The following SERAC1 variants were observed in gnomAD, a reference collection of about 807,000 sequenced individuals.
SERAC1 encodes serine active site containing 1, also known as protein SERAC1.
Under a neutral mutation model 85.7 loss-of-function variants are expected in SERAC1, and 36 were observed. The observed-to-expected ratio is 0.42, with a 90% CI of 0.32 to 0.55. The LOEUF is 0.55. Among genes scored for constraint, SERAC1 ranks in the 20% least tolerant of loss-of-function variants. The pLI is 0.11. For synonymous variants in SERAC1, 242 were observed against 265.3 expected, an observed-to-expected ratio of 0.91 and a Z score of 0.85; for missense variants, 629 against 796.2, an observed-to-expected ratio of 0.79 and a Z score of 2.53.
chr6:158,149,182 C>T (rs538186980), intron 4 of SERAC1, among the ~76,000 whole-genome samples: 2 of 152,216 alleles, frequency 1.3e-5, no homozygotes, highest in African/African-American at 4.8e-5. Flanking sequence ...TTAGTAGAGA[C>T]AGGGTTTCAC....
At chr6:158,165,775 CTCT>C (rs1483597109) in intron 1 of SERAC1, among the ~76,000 whole-genome samples, 1 of 152,180 alleles carries the variant, frequency 6.6e-6, no homozygotes, top group Non-Finnish European at 1.5e-5. Flanking sequence ...CGCAGAGTTG[CTCT>C]TCTCTACCAT....
chr6:158,143,323 CTCTCTCTCTCTCTCTCTCTCTCTCTA>C, intron 7 of SERAC1, 139 bp from the exon 8 acceptor site: 1 of 221,852 alleles, frequency 4.5e-6, no homozygotes, highest in Non-Finnish European at 7.5e-6. Flanking sequence ...CTCTCTCTCT[CTCTCTCTCTCTCTCTCTCTCTCTCTA>C]TATATATATA....
intron 5 of SERAC1, among the ~76,000 whole-genome samples, 181 bp downstream of exon 5, chr6:158,148,684 C>T (rs558861396): frequency 6.6e-6 from 1 of 152,174 alleles, no homozygotes; most frequent in East Asian, 1.9e-4. Flanking sequence ...CTCAGGTGAC[C>T]CACCCACCTC....
intron 3 of SERAC1, 117 bp from the exon 4 acceptor site, chr6:158,150,706 G>T (rs1479585109): frequency 2.7e-6 from 2 of 745,208 alleles, no homozygotes; most frequent in African/African-American, 3.5e-5. Context: ...AACATAACAT[G>T]TATACAGTAA....
chr6:158,149,498 A>T (rs1785155418), intron 4 of SERAC1, among the ~76,000 whole-genome samples: 1 of 152,224 alleles, frequency 6.6e-6, no homozygotes, highest in African/African-American at 2.4e-5. Flanking sequence ...AAAAACACTA[A>T]CTACAAAAAT....
intron 8 of SERAC1, among the ~76,000 whole-genome samples, chr6:158,139,574 G>A (rs1784870047): frequency 6.6e-6 from 1 of 152,140 alleles, no homozygotes; most frequent in African/African-American, 2.4e-5. Flanking sequence ...TTTAAAATGA[G>A]CAAAGGGAGC....
chr6:158,151,225 A>AT (rs1271682417), intron 3 of SERAC1: 1 of 152,054 alleles, frequency 6.6e-6, no homozygotes, highest in Non-Finnish European at 1.5e-5. Flanking sequence ...TTTGTGTTTC[A>AT]TTTTTAACAA....
intron 1 of SERAC1, among the ~76,000 whole-genome samples, chr6:158,165,161 G>GT (rs559953818): frequency 4.9e-4 from 72 of 147,502 alleles, no homozygotes; most frequent in South Asian, 8.7e-4. Flanking sequence ...TTGTTTTTTG[G>GT]TTTTTTTTTT....
At chr6:158,164,288 A>G (rs1283398543) in intron 1 of SERAC1, among the ~76,000 whole-genome samples, 5 of 151,800 alleles carry the variant, frequency 3.3e-5, no homozygotes, top group African/African-American at 9.7e-5. Context: ...AGCCTGGATA[A>G]CCCGGTGAAA....
chr6:158,138,320 A>G (rs1784840548), intron 8 of SERAC1, among the ~76,000 whole-genome samples: 1 of 151,788 alleles, frequency 6.6e-6, no homozygotes. Context: ...CTGTAGTCCC[A>G]GCTAGTCGGG....
intron 8 of SERAC1, among the ~76,000 whole-genome samples, chr6:158,137,367 T>C (rs1396684491): frequency 9.4e-6 from 1 of 106,862 alleles, no homozygotes; most frequent in Non-Finnish European, 2.0e-5. Flanking sequence ...CATTCGTTGT[T>C]TTTTGTTTGT....
rs770615349 is a variant in SERAC1, at chr6:158,114,870, G to A, written c.1603C>T (p.His535Tyr). Residue 535 changes from histidine to tyrosine, a missense_variant, in exon 15 of 17, where the codon CAT (histidine) becomes TAT (tyrosine). By Grantham distance (83) the His-to-Tyr change is moderately conservative (BLOSUM62 2). Transcript: ENST00000647468. ...RGIIFYSVPH[H>Y]GSRLAEYSVN... ...GAGTATTCAGCCAAACGTGATCCATGATGAGGGACACTATAAAAAATTATT... is the reference window on the plus strand; with the variant it reads ...GAGTATTCAGCCAAACGTGATCCATAATGAGGGACACTATAAAAAATTATT... 2 of 1,613,910 alleles carry A rather than the reference G, an allele frequency of 1.2e-6. No homozygotes were observed. Among genetic ancestry groups the A allele is most frequent in the African/African-American group, 2.7e-5 (2 of 74,900 alleles).
Position 158,146,836 on chromosome 6 carries a change from T to A in SERAC1, c.433A>T (p.Lys145Ter). ...LLLRKSKSDD[K>*]TTRLEAVREM... The stretch of plus-strand genomic sequence containing the variant: ...CGCACAGCCTCGAGTCGCGTGGTTT[T>A]GTCATCTGACTTGCTCTTCCGTAGG... The change falls in exon 6 of 17, where the codon AAA becomes TAA. Residue 145 changes from lysine to a stop codon, truncating the protein, a stop_gained. Coordinates refer to ENST00000647468, the MANE Select transcript of SERAC1 (RefSeq NM_032861.4). LOFTEE classifies it high-confidence loss of function. The A allele has an allele frequency of 6.2e-7, 1 of 1,614,124 alleles. No homozygotes were observed. The highest frequency in any genetic ancestry group is 1.1e-5 in the South Asian group (1 of 91,084).
intron 10 of SERAC1, among the ~76,000 whole-genome samples, chr6:158,126,372 G>T (rs1489072113): frequency 9.2e-6 from 1 of 108,296 alleles, no homozygotes; most frequent in Non-Finnish European, 2.0e-5. Context: ...CAGTTTGCTG[G>T]GGCTCCCATT....
chr6:158,120,547 C>A lies in SERAC1; in HGVS notation c.1044G>T (p.Met348Ile). 1 of 1,613,976 alleles carries A rather than the reference C, an allele frequency of 6.2e-7. No individual in the cohort carries two copies. Among genetic ancestry groups the A allele is most frequent in the Non-Finnish European group, 8.5e-7 (1 of 1,179,940 alleles). The change falls in exon 11 of 17, where the codon ATG becomes ATT. Residue 348 changes from methionine to isoleucine, a missense_variant. Physicochemically the swap from Met to Ile is conservative, Grantham distance 10. Coordinates refer to ENST00000647468, the MANE Select transcript of SERAC1 (RefSeq NM_032861.4). The surrounding 1 kb of genome is among the most constrained non-coding windows in gnomAD (Gnocchi z 4.4). Reference protein sequence around the residue: ...SGWVSIMAEAMKSPHIMESSH... With the variant: ...SGWVSIMAEAIKSPHIMESSH... Reference sequence around the variant, plus strand: ...AGGACTCCATAATGTGGGGAGATTTCATTGCTTCTGCCATGATGGAAACCC... The same window carrying A: ...AGGACTCCATAATGTGGGGAGATTTAATTGCTTCTGCCATGATGGAAACCC...
At chr6:158,152,932 T>C (rs935821115) in intron 3 of SERAC1, 2 of 152,202 alleles carry the variant, frequency 1.3e-5, no homozygotes, top group Non-Finnish European at 2.9e-5. Context: ...ATCGCCATTA[T>C]TGACACATGA....
intron 8 of SERAC1, among the ~76,000 whole-genome samples, chr6:158,142,135 G>A (rs1264957718): frequency 6.6e-6 from 1 of 151,946 alleles, no homozygotes; most frequent in African/African-American, 2.4e-5. Context: ...TCAGAATTCA[G>A]TATTCACTGA....
chr6:158,131,364 T>C (rs1428918231), intron 8 of SERAC1, among the ~76,000 whole-genome samples: 1 of 147,344 alleles, frequency 6.8e-6, no homozygotes, highest in Non-Finnish European at 1.5e-5. Flanking sequence ...ATATACTATA[T>C]ATTTATATCT....
intron 8 of SERAC1, among the ~76,000 whole-genome samples, chr6:158,140,416 G>A (rs1784889413): frequency 6.6e-6 from 1 of 152,190 alleles, no homozygotes; most frequent in Admixed American, 6.5e-5. Context: ...TCTGGATACC[G>A]GAACCCGTGG....
Sources: allele counts gnomAD v4.1 joint callset (sites outside exome capture counted in the v4.1 genomes callset), GRCh38; gene constraint gnomAD v4.1.1; non-coding constraint Gnocchi (gnomAD v3.1); transcripts MANE v1.5; gene names NCBI Gene and HGNC (gene_info 2026-07-23, HGNC 2026-07-21).